The following ZFX variants were observed in gnomAD, a reference collection of about 807,000 sequenced individuals.
ZFX encodes the protein zinc finger X-chromosomal protein.
For missense variants in ZFX, 362 were observed against 628.3 expected, an observed-to-expected ratio of 0.58 and a Z score of 4.53; for synonymous variants, 196 against 226.8, an observed-to-expected ratio of 0.86 and a Z score of 1.22.
chrX:24,173,597 T>A, intron 4 of ZFX: 1 of 1,144,228 alleles, frequency 8.7e-7, no homozygotes, highest in Non-Finnish European at 1.2e-6. Context: ...TTGGGTTTTT[T>A]TGTTTTCAGA....
rs63450861 is a variant in ZFX, at chrX:24,170,156, ATT to A, written c.-28-2543_-28-2542del. Among the ~76,000 whole-genome samples, 448 of 88,102 alleles carry A rather than the reference ATT, an allele frequency of 5.1e-3. 2 individuals are homozygous for A. Among genetic ancestry groups the A allele is most frequent in the African/African-American group, 0.015 (354 of 23,441 alleles). The allele number at this position is 88,102 out of a possible 115,157, so 76.5% of individuals were successfully genotyped here. On this transcript the variant is annotated intron_variant, in intron 3 of 9. Coordinates refer to ENST00000304543, the MANE Select transcript of ZFX (RefSeq NM_003410.4). Reference sequence around the variant, plus strand: ...GTCATAGTGTTTCATAATGCTTAGAATTTTTTTTTTTTTTTTTGAGACAGAGT... The same window carrying A: ...GTCATAGTGTTTCATAATGCTTAGAATTTTTTTTTTTTTTTGAGACAGAGT...
intron 4 of ZFX, among the ~76,000 whole-genome samples, chrX:24,175,827 C>T (rs1935076981): frequency 9.0e-6 from 1 of 110,996 alleles, no homozygotes; most frequent in South Asian, 3.8e-4. Context: ...GATTCGCCTG[C>T]CTCGGCCTCC....
chrX:24,164,534 C>A (rs1206439483), intron 3 of ZFX, among the ~76,000 whole-genome samples: 4 of 111,719 alleles, frequency 3.6e-5, no homozygotes, highest in African/African-American at 1.3e-4. Context: ...AGTATGCATT[C>A]ATGTAGGTGA....
chrX:24,187,136 C>T lies in ZFX; in HGVS notation c.646+7366C>T, dbSNP rs143283643. Among the ~76,000 whole-genome samples, 258 of 111,934 alleles carry T rather than the reference C, an allele frequency of 2.3e-3. 1 individual carries two copies. The highest frequency in any genetic ancestry group is 7.9e-3 in the African/African-American group (244 of 30,806). ...TCACCGTGTTGCCCAGGCATACATA[C>T]ATACATACATGCCTGTAGATGTGCA... On this transcript the variant is annotated intron_variant, in intron 5 of 9. Coordinates refer to ENST00000304543, the MANE Select transcript of ZFX (RefSeq NM_003410.4).
intron 5 of ZFX, among the ~76,000 whole-genome samples, chrX:24,193,249 T>C (rs1273244499): frequency 3.6e-5 from 4 of 112,481 alleles, no homozygotes; most frequent in Non-Finnish European, 5.6e-5. Flanking sequence ...GGGATATCAT[T>C]CAGTCATAAA....
At chrX:24,201,403 T>G (rs1033466580) in intron 5 of ZFX, among the ~76,000 whole-genome samples, 17 of 112,694 alleles carry the variant, frequency 1.5e-4, no homozygotes, top group African/African-American at 5.2e-4. Context: ...CTAAAATGAT[T>G]GGATTTTCTA....
chrX:24,210,674 G>T lies in ZFX; in HGVS notation c.1716G>T (p.Gly572=), dbSNP rs779376824. 4.1e-6 allele frequency: 5 copies of T among 1,211,550 alleles called. No homozygotes were observed. In the South Asian group the frequency reaches 8.8e-5, roughly 21 times the overall value. Residue 572 remains glycine, a synonymous_variant, in exon 10 of 10, where the codon GGG becomes GGT. Transcript: ENST00000304543. ...AAAAGCACATGAGAATCCATACTGG[G>T]GAGAAGCCGTACCAATGCCAGTACT... The part of the protein sequence containing the change: ...ELKKHMRIHT[G]EKPYQCQYCE...
chrX:24,168,677 T>C (rs1239762916), intron 3 of ZFX, among the ~76,000 whole-genome samples: 4 of 105,837 alleles, frequency 3.8e-5, no homozygotes, highest in South Asian at 4.1e-4. Context: ...CTTTCTTTTT[T>C]TTTTTTTTTT....
At chrX:24,178,092 C>A (rs1265029910) in intron 4 of ZFX, among the ~76,000 whole-genome samples, 8 of 107,035 alleles carry the variant, frequency 7.5e-5, no homozygotes, top group African/African-American at 2.4e-4. Flanking sequence ...CCACCACACC[C>A]GGATAATTTT....
chrX:24,176,316 G>A lies in ZFX; in HGVS notation c.59-2867G>A, dbSNP rs749706047. ...GGCCTCCCAAAGTGCTGGGATTACAGGTGTGAGCCACCGTTCCCAGCCTAA... is the reference window on the plus strand; with the variant it reads ...GGCCTCCCAAAGTGCTGGGATTACAAGTGTGAGCCACCGTTCCCAGCCTAA... On this transcript the variant is annotated intron_variant, in intron 4 of 9. Coordinates refer to ENST00000304543, the MANE Select transcript of ZFX (RefSeq NM_003410.4). 1.2e-4 allele frequency among the ~76,000 whole-genome samples: 13 copies of A among 109,155 alleles called. No individual in the cohort carries two copies. The South Asian group carries it at 5.1e-3, about 43-fold the overall frequency. 94.8% of individuals were successfully genotyped at this position (109,155 alleles called of 115,157 possible). A position where few individuals can be genotyped will look rare whatever the true frequency, so the allele number is the denominator to read the frequency against.
Position 24,179,513 on chromosome X carries a change from C to G in ZFX, c.389C>G (p.Pro130Arg). Residue 130 changes from proline (P) to arginine (R), a missense_variant, in exon 5 of 10, where the codon CCA (proline) becomes CGA (arginine). Pro to Arg is a moderately radical substitution (Grantham distance 103). Coordinates refer to ENST00000304543, the MANE Select transcript of ZFX (RefSeq NM_003410.4). ...ATTACTTCAGCCTCAATGTCTATGC[C>G]AGAACACGTCTTGACGGGTGATTCT... is the stretch of plus-strand genomic sequence containing the variant. ...SDITSASMSM[P>R]EHVLTGDSIH... 8.2e-7 allele frequency: 1 copy of G among 1,212,187 alleles called. No homozygotes were observed. Among genetic ancestry groups the G allele is most frequent in the Non-Finnish European group, 1.1e-6 (1 of 895,660 alleles).
chrX:24,174,867 TCAAG>T (rs1473359797), intron 4 of ZFX, among the ~76,000 whole-genome samples: 1 of 110,739 alleles, frequency 9.0e-6, no homozygotes, highest in Non-Finnish European at 1.9e-5. Flanking sequence ...ATGGGCGCCA[TCAAG>T]CCCAGCTAAT....
chrX:24,159,323 C>T (rs2704844), intron 3 of ZFX, among the ~76,000 whole-genome samples: 1,882 of 112,203 alleles, frequency 0.017, 18 homozygotes, highest in Non-Finnish European at 0.026. Flanking sequence ...TTTCGATTCC[C>T]GGATATTCGC....
intron 5 of ZFX, among the ~76,000 whole-genome samples, chrX:24,187,482 A>G (rs1936216798): frequency 8.9e-6 from 1 of 112,207 alleles, no homozygotes; most frequent in Non-Finnish European, 1.9e-5. Context: ...TCCAAATTTC[A>G]ACAATGTTAA....
intron 5 of ZFX, among the ~76,000 whole-genome samples, chrX:24,188,896 G>A (rs1426077336): frequency 1.8e-5 from 2 of 111,533 alleles, no homozygotes; most frequent in Admixed American, 1.9e-4. Context: ...GGAGTGCAGT[G>A]GTGCGATCTC....
At chrX:24,196,274 G>T (rs746487173) in intron 5 of ZFX, among the ~76,000 whole-genome samples, 252 of 111,022 alleles carry the variant, frequency 2.3e-3, no homozygotes, top group African/African-American at 8.3e-3. Context: ...CAACACGCCC[G>T]GCTAATTTTT....
intron 4 of ZFX, among the ~76,000 whole-genome samples, chrX:24,175,179 A>T (rs757279899): frequency 8.9e-6 from 1 of 112,171 alleles, no homozygotes; most frequent in East Asian, 2.8e-4. Context: ...AAGAGACTAA[A>T]CTCTTTGGAG....
At chrX:24,196,361 C>G (rs1222434543) in intron 5 of ZFX, among the ~76,000 whole-genome samples, 1 of 111,930 alleles carries the variant, frequency 8.9e-6, no homozygotes, top group Non-Finnish European at 1.9e-5. Context: ...GATCCACCTT[C>G]CTTGGCCTCC....
intron 3 of ZFX, among the ~76,000 whole-genome samples, chrX:24,159,309 T>A (rs1933014297): frequency 8.9e-6 from 1 of 112,625 alleles, no homozygotes; most frequent in Non-Finnish European, 1.9e-5. Context: ...TATTTTAAAC[T>A]ATTTTTCGAT....
Sources: allele counts gnomAD v4.1 joint callset (sites outside exome capture counted in the v4.1 genomes callset), GRCh38; gene constraint gnomAD v4.1.1; transcripts MANE v1.5; gene names NCBI Gene and HGNC (gene_info 2026-07-23, HGNC 2026-07-21).